The following TRMT44 variants were observed in gnomAD, a reference collection of about 807,000 sequenced individuals.
TRMT44 encodes the protein tRNA methyltransferase 44 homolog, also known as probable tRNA (uracil-O(2)-)-methyltransferase.
TRMT44 carries 78 observed loss-of-function variants against 77.3 expected under a neutral mutation model. That is an observed-to-expected ratio of 1.01 (90% confidence interval 0.84 to 1.22). The LOEUF (loss-of-function observed/expected upper bound fraction) is 1.22, where lower values mean the gene tolerates loss of function less well. Ranked by LOEUF, TRMT44 falls within the 50% of genes most tolerant of loss-of-function variation. The probability of loss-of-function intolerance (pLI) is 0.00; values close to 1 mark genes in which losing one functional copy is unlikely to be tolerated. For missense variants in TRMT44, 1,090 were observed against 964.4 expected, an observed-to-expected ratio of 1.13 and a Z score of -1.73; for synonymous variants, 391 against 383.3, an observed-to-expected ratio of 1.02 and a Z score of -0.23.
rs773190135 is a variant in TRMT44 at position 8,441,080 on chromosome 4, G to C, written c.258G>C (p.Arg86Ser). 4.3e-5 allele frequency: 64 copies of C among 1,493,442 alleles called. No individual in the cohort carries two copies. In the South Asian group the frequency reaches 8.0e-4, roughly 19 times the overall value. The allele number at this position is 1,493,442 out of a possible 1,614,324, so 92.5% of individuals were successfully genotyped here. Residue 86 changes from arginine (R) to serine (S), a missense_variant, in exon 1 of 11, where the codon AGG (arginine) becomes AGC (serine). Coordinates refer to ENST00000389737, the MANE Select transcript of TRMT44 (RefSeq NM_152544.3). ...CCCCCGGAGGGGGCCCGGGTCCCAG[G>C]TCGCTATCAGGACCCGAGCAGGGCA... ...QGSPGGGPGP[R>S]SLSGPEQGTA...
chr4:8,447,758 G>A (rs947760914), intron 2 of TRMT44, among the ~76,000 whole-genome samples: 1 of 152,190 alleles, frequency 6.6e-6, no homozygotes, highest in South Asian at 2.1e-4. Context: ...CTGCCCTGAG[G>A]TCCCTTCCTG....
At chr4:8,516,219 C>T in the TRMT44 span, among the ~76,000 whole-genome samples, 100 of 152,320 alleles carry the variant, frequency 6.6e-4, no homozygotes, top group Middle Eastern at 6.8e-3. Context: ...CCCAGAGTCA[C>T]GCAGGCCCGG....
At chr4:8,464,367 C>G (rs1455894485) in intron 7 of TRMT44, among the ~76,000 whole-genome samples, 3 of 152,190 alleles carry the variant, frequency 2.0e-5, no homozygotes, top group African/African-American at 7.2e-5. Context: ...CTGATTGGCA[C>G]TGTGATTACT....
At chr4:8,487,444 G>A (rs1228295161) in intron 2 of TRMT44, among the ~76,000 whole-genome samples, 3 of 151,920 alleles carry the variant, frequency 2.0e-5, no homozygotes, top group African/African-American at 4.8e-5. Context: ...GGGTTGAGGT[G>A]CAGAGATAAG....
At position 8,452,075 on chromosome 4, in the gene TRMT44, C is replaced by T. The variant is rs1458222082; in HGVS notation, c.1023+47C>T. 1 of 1,485,120 alleles carries T rather than the reference C, an allele frequency of 6.7e-7. No homozygotes were observed. Among genetic ancestry groups the T allele is most frequent in the South Asian group, 1.2e-5 (1 of 83,064 alleles). The allele number at this position is 1,485,120 out of a possible 1,614,324, so 92.0% of individuals were successfully genotyped here. A position where few individuals can be genotyped will look rare whatever the true frequency, so the allele number is the denominator to read the frequency against. ...GCTTCTCTGGAGTGGGTGGAGTTTG[C>T]TACAGGCAGATGTTCCCTGTAGTGA... On this transcript the variant is annotated intron_variant, in intron 4 of 10. Coordinates refer to ENST00000389737, the MANE Select transcript of TRMT44 (RefSeq NM_152544.3). This position sits in a 1 kb window ranked among gnomAD's most constrained non-coding sequence, Gnocchi z 5.7.
At position 8,467,940 on chromosome 4, in the gene TRMT44, A is replaced by G. The variant is rs558285572; in HGVS notation, c.1521A>G (p.Thr507=). ...TCTGTCTCGTTGGAAAATCCAGAAC[A>G]TACCCTTCCTCCAGAGAAGCTTCCG... ...KRVCLVGKSR[T]YPSSREASVD... The change falls in exon 9 of 11, where the codon ACA becomes ACG. Residue 507 remains threonine, a synonymous_variant. Coordinates refer to ENST00000389737, the MANE Select transcript of TRMT44 (RefSeq NM_152544.3). 2.9e-5 allele frequency: 47 copies of G among 1,612,450 alleles called. No homozygotes were observed. Among genetic ancestry groups the G allele is most frequent in the Non-Finnish European group, 3.6e-5 (42 of 1,178,766 alleles).
chr4:8,511,509 G>T, the TRMT44 span, among the ~76,000 whole-genome samples: 1 of 152,114 alleles, frequency 6.6e-6, no homozygotes, highest in Non-Finnish European at 1.5e-5. Flanking sequence ...CTTGGTGCTG[G>T]TCATTACCCC....
At chr4:8,467,312 C>T (rs571633099) in intron 8 of TRMT44, among the ~76,000 whole-genome samples, 3 of 152,306 alleles carry the variant, frequency 2.0e-5, no homozygotes, top group East Asian at 1.9e-4. Flanking sequence ...GAAACTAGGA[C>T]GGTGCGGCTG....
intron 2 of TRMT44, among the ~76,000 whole-genome samples, chr4:8,487,249 G>A (rs1727838813): frequency 6.6e-6 from 1 of 152,142 alleles, no homozygotes; most frequent in African/African-American, 2.4e-5. Context: ...TGTCAGGTGT[G>A]AGCTGAAGAG....
In TRMT44 at chr4:8,468,046, C is replaced by T. The variant is rs770987620; in HGVS notation, c.1627C>T (p.Pro543Ser). ...SPPGWELSPS[P>S]RWVAAGSAGH... Reference sequence around the variant, plus strand: ...ACCTGGCTGGGAGCTTTCCCCTTCTCCACGCTGGGTTGCTGCTGGCAGTGC... The same window carrying T: ...ACCTGGCTGGGAGCTTTCCCCTTCTTCACGCTGGGTTGCTGCTGGCAGTGC... Residue 543 changes from proline (P) to serine (S), a missense_variant, in exon 9 of 11, where the codon CCA (proline) becomes TCA (serine). Pro to Ser is a moderately conservative substitution (Grantham distance 74, BLOSUM62 -1). Coordinates refer to ENST00000389737, the MANE Select transcript of TRMT44 (RefSeq NM_152544.3). The T allele has an allele frequency of 6.2e-7, 1 of 1,614,008 alleles. No individual in the cohort carries two copies. The highest frequency in any genetic ancestry group is 2.2e-5 in the East Asian group (1 of 44,878).
chr4:8,488,373 TA>T (rs1240581480), intron 2 of TRMT44, among the ~76,000 whole-genome samples: 11 of 152,036 alleles, frequency 7.2e-5, no homozygotes, highest in Admixed American at 5.9e-4. Flanking sequence ...CGAAGGGAGA[TA>T]GGGGTGGGGC....
At chr4:8,487,318 G>T (rs922874891) in intron 2 of TRMT44, among the ~76,000 whole-genome samples, 5 of 152,012 alleles carry the variant, frequency 3.3e-5, no homozygotes, top group African/African-American at 4.8e-5. Flanking sequence ...GTGGAAGGTT[G>T]CCCGTAGTGA....
downstream of TRMT44, among the ~76,000 whole-genome samples, chr4:8,495,809 C>T (rs75859329): frequency 0.065 from 9,852 of 152,218 alleles, 615 homozygotes; most frequent in African/African-American, 0.16. Context: ...TCAACCCCTC[C>T]TTTTTTTGCT....
downstream of TRMT44, among the ~76,000 whole-genome samples, chr4:8,495,122 C>T (rs1036740084): frequency 6.6e-6 from 1 of 152,206 alleles, no homozygotes; most frequent in Non-Finnish European, 1.5e-5. Flanking sequence ...GAAGACAGAA[C>T]ATTTGGAGAC....
chr4:8,500,524 ATAAAT>A, the TRMT44 span, among the ~76,000 whole-genome samples: 69 of 152,016 alleles, frequency 4.5e-4, 1 homozygote, highest in Non-Finnish European at 2.6e-4. Context: ...ATAAAATAAA[ATAAAT>A]TAAAAGCCCT....
chr4:8,466,525 C>T (rs1333541337), intron 8 of TRMT44, among the ~76,000 whole-genome samples: 2 of 152,246 alleles, frequency 1.3e-5, no homozygotes, highest in African/African-American at 4.8e-5. Flanking sequence ...GGGCCGCTGG[C>T]GCTGTCACTG....
At chr4:8,449,964 T>TTC in intron 3 of TRMT44, 76 bp downstream of exon 3, 8 of 821,740 alleles carry the variant, frequency 9.7e-6, no homozygotes, top group Admixed American at 3.5e-5. Context: ...TTTTTTTTTT[T>TTC]TTTTTTTTTT....
the TRMT44 span, among the ~76,000 whole-genome samples, chr4:8,509,972 G>C: frequency 2.6e-5 from 4 of 152,316 alleles, no homozygotes; most frequent in Non-Finnish European, 5.9e-5. Context: ...GTGTGAGTTT[G>C]AGTGATTTGG....
At chr4:8,456,632 A>C (rs989580286) in intron 6 of TRMT44, among the ~76,000 whole-genome samples, 3 of 152,198 alleles carry the variant, frequency 2.0e-5, no homozygotes, top group African/African-American at 7.2e-5. Context: ...TCTCATATTT[A>C]GAATGCAGCT....
Sources: allele counts gnomAD v4.1 joint callset (sites outside exome capture counted in the v4.1 genomes callset), GRCh38; gene constraint gnomAD v4.1.1; non-coding constraint Gnocchi (gnomAD v3.1); transcripts MANE v1.5; gene names NCBI Gene and HGNC (gene_info 2026-07-23, HGNC 2026-07-21).